The following CDKAL1 variants were observed in gnomAD, a reference collection of about 807,000 sequenced individuals.
The protein encoded by CDKAL1 is threonylcarbamoyladenosine tRNA methylthiotransferase.
Under a neutral mutation model 68.2 loss-of-function variants are expected in CDKAL1, and 32 were observed. The observed-to-expected ratio is 0.47, with a 90% CI of 0.35 to 0.63. CDKAL1 has a LOEUF of 0.63. Ranked by LOEUF, CDKAL1 falls within the 30% of genes least tolerant of loss-of-function variation. CDKAL1 has a pLI of 0.00. For missense variants in CDKAL1, 606 were observed against 696.7 expected (o/e 0.87, Z 1.47); for synonymous variants, 234 against 244.3 (o/e 0.96, Z 0.39).
chr6:20,837,937 T>TGTG (rs1778015258), intron 8 of CDKAL1, among the ~76,000 whole-genome samples: 12 of 123,176 alleles, frequency 9.7e-5, no homozygotes, highest in Admixed American at 2.5e-4. Context: ...TGGGAAGAAA[T>TGTG]TGTGTGTGTG....
At chr6:20,770,046 G>A (rs1054095425) in intron 7 of CDKAL1, among the ~76,000 whole-genome samples, 1 of 151,536 alleles carries the variant, frequency 6.6e-6, no homozygotes, top group Non-Finnish European at 1.5e-5. Context: ...TATATATTTT[G>A]TTCCTTCATG....
At chr6:20,775,813 G>A (rs1165994399) in intron 7 of CDKAL1, among the ~76,000 whole-genome samples, 1 of 152,144 alleles carries the variant, frequency 6.6e-6, no homozygotes, top group Non-Finnish European at 1.5e-5. Flanking sequence ...TGAAACAGCA[G>A]TTTTGCTTGA....
At chr6:20,785,176 T>G (rs1220558615) in intron 8 of CDKAL1, among the ~76,000 whole-genome samples, 1 of 152,136 alleles carries the variant, frequency 6.6e-6, no homozygotes, top group Non-Finnish European at 1.5e-5. Context: ...GAATGAGAAA[T>G]GGGTTTCTAA....
At chr6:20,800,498 A>G (rs1776322230) in intron 8 of CDKAL1, 1 of 152,222 alleles carries the variant, frequency 6.6e-6, no homozygotes, top group Non-Finnish European at 1.5e-5. Flanking sequence ...AGGGTGACAT[A>G]TATGCCCATT....
At chr6:20,580,945 A>G (rs1179421051) in intron 4 of CDKAL1, among the ~76,000 whole-genome samples, 3 of 151,820 alleles carry the variant, frequency 2.0e-5, no homozygotes, top group Non-Finnish European at 4.4e-5. Flanking sequence ...ATGCGCCACC[A>G]CGCCCGGCTA....
chr6:21,085,367 C>T (rs1267632125), intron 12 of CDKAL1, among the ~76,000 whole-genome samples: 1 of 152,164 alleles, frequency 6.6e-6, no homozygotes, highest in African/African-American at 2.4e-5. Context: ...TAGGACACTA[C>T]ATCTCAAGAT....
At chr6:20,717,378 G>A (rs1302874670) in intron 5 of CDKAL1, among the ~76,000 whole-genome samples, 2 of 151,712 alleles carry the variant, frequency 1.3e-5, no homozygotes, top group Non-Finnish European at 2.9e-5. Context: ...ATAATTTACA[G>A]GACCAAAGTA....
intron 8 of CDKAL1, among the ~76,000 whole-genome samples, chr6:20,821,080 G>A (rs1387616417): frequency 1.3e-5 from 2 of 152,030 alleles, no homozygotes; most frequent in Non-Finnish European, 2.9e-5. Flanking sequence ...GGGTGGAAAA[G>A]CAAAGAAGCC....
chr6:21,067,646 A>G (rs1771531717), intron 12 of CDKAL1, among the ~76,000 whole-genome samples: 1 of 152,104 alleles, frequency 6.6e-6, no homozygotes, highest in Non-Finnish European at 1.5e-5. Context: ...ATTGCAGCAA[A>G]TACAGCTGAC....
intron 13 of CDKAL1, among the ~76,000 whole-genome samples, chr6:21,191,215 C>T (rs1326051313): frequency 6.6e-6 from 1 of 152,192 alleles, no homozygotes; most frequent in Non-Finnish European, 1.5e-5. Context: ...TGTTTCAGGG[C>T]AAATGATGAC....
intron 15 of CDKAL1, among the ~76,000 whole-genome samples, chr6:21,224,767 T>C (rs1779674982): frequency 1.3e-5 from 2 of 152,198 alleles, no homozygotes; most frequent in Non-Finnish European, 2.9e-5. Context: ...TGGTGTTTTG[T>C]TAAAGTAGCA....
At chr6:20,898,391 G>A (rs1343672675) in intron 9 of CDKAL1, among the ~76,000 whole-genome samples, 1 of 149,352 alleles carries the variant, frequency 6.7e-6, no homozygotes, top group Non-Finnish European at 1.5e-5. Context: ...CTCCGGTTGG[G>A]ATACTCTGAA....
At chr6:21,067,121 C>T (rs1347361587) in intron 12 of CDKAL1, among the ~76,000 whole-genome samples, 1 of 152,060 alleles carries the variant, frequency 6.6e-6, no homozygotes. Flanking sequence ...TGAATACTTC[C>T]TTATAACTAC....
At chr6:20,572,313 TG>T (rs1764736679) in intron 4 of CDKAL1, among the ~76,000 whole-genome samples, 1 of 152,152 alleles carries the variant, frequency 6.6e-6, no homozygotes, top group Admixed American at 6.5e-5. Flanking sequence ...AGAGCTGTTT[TG>T]GGGAGATAAC....
intron 2 of CDKAL1, among the ~76,000 whole-genome samples, chr6:20,535,835 A>G (rs951569701): frequency 6.6e-6 from 1 of 152,070 alleles, no homozygotes; most frequent in Non-Finnish European, 1.5e-5. Context: ...GATTCTACCC[A>G]TCCTAATGGG....
At chr6:20,679,590 G>T (rs934479256) in intron 5 of CDKAL1, among the ~76,000 whole-genome samples, 2 of 152,136 alleles carry the variant, frequency 1.3e-5, no homozygotes, top group South Asian at 4.2e-4. Flanking sequence ...CTTCAAGAGG[G>T]GATTATGGAT....
At chr6:21,132,114 A>G (rs1378647877) in intron 13 of CDKAL1, among the ~76,000 whole-genome samples, 2 of 152,148 alleles carry the variant, frequency 1.3e-5, no homozygotes, top group African/African-American at 4.8e-5. Context: ...AATAGTTCAT[A>G]TCGTTTAGCT....
At position 20,970,045 on chromosome 6, in the gene CDKAL1, A is replaced by C. The variant is rs150280967; in HGVS notation, c.909+14460A>C. On this transcript the variant is annotated intron_variant, in intron 10 of 15. Transcript: ENST00000274695. Reference sequence around the variant, plus strand: ...AATTGCAGCTGATTATTTTTGACAAATGTCTTTGGGCAAAAGACTGTTCTC... The same window carrying C: ...AATTGCAGCTGATTATTTTTGACAACTGTCTTTGGGCAAAAGACTGTTCTC... 5.5e-4 allele frequency among the ~76,000 whole-genome samples: 84 copies of C among 152,104 alleles called. No individual in the cohort carries two copies. The East Asian group carries it at 0.012, about 21-fold the overall frequency.
At chr6:20,743,440 C>T (rs879487212) in intron 6 of CDKAL1, among the ~76,000 whole-genome samples, 1 of 152,064 alleles carries the variant, frequency 6.6e-6, no homozygotes, top group Admixed American at 6.6e-5. Flanking sequence ...ATTGTACTTA[C>T]CCATGTTTGA....
Sources: gnomAD v4.1 joint callset for allele counts (sites outside exome capture counted in the v4.1 genomes callset) on GRCh38, gnomAD v4.1.1 for gene constraint, MANE v1.5 for transcripts, NCBI Gene and HGNC (gene_info 2026-07-23, HGNC 2026-07-21) for gene names.